The following REV3L variants were observed in gnomAD, a reference collection of about 807,000 sequenced individuals.
The protein encoded by REV3L is REV3 like, DNA directed polymerase zeta catalytic subunit, also known as DNA polymerase zeta catalytic subunit.
REV3L carries 69 observed loss-of-function variants against 299.4 expected under a neutral mutation model. The observed-to-expected ratio is 0.23, with a 90% CI of 0.19 to 0.28. REV3L has a LOEUF of 0.28. Ranked by LOEUF, REV3L falls within the 10% of genes least tolerant of loss-of-function variation. The pLI, the probability that REV3L is intolerant of heterozygous loss-of-function variation, is 1.00. For synonymous variants in REV3L, 1,238 were observed against 1,271.4 expected (o/e 0.97, Z 0.56); for missense variants, 3,128 against 3,693.8 (o/e 0.85, Z 3.97).
At position 111,422,677 on chromosome 6, in the gene REV3L, T is replaced by C. The variant is rs1195684703; in HGVS notation, c.140-6205A>G. 1.3e-4 allele frequency among the ~76,000 whole-genome samples: 5 copies of C among 37,306 alleles called. 1 individual carries two copies. Among genetic ancestry groups the C allele is most frequent in the East Asian group, 5.3e-4 (1 of 1,904 alleles). 24.5% of individuals were successfully genotyped at this position (37,306 alleles called of 152,430 possible). On this transcript the variant is annotated intron_variant, in intron 1 of 31. Transcript: ENST00000368802. ...ATATATATATACATATATATATATATACGTATATATATATATATATATATT... is the reference window on the plus strand; with the variant it reads ...ATATATATATACATATATATATATACACGTATATATATATATATATATATT...
intron 31 of REV3L, among the ~76,000 whole-genome samples, chr6:111,304,605 C>T (rs980468369): frequency 4.0e-5 from 6 of 149,912 alleles, no homozygotes; most frequent in African/African-American, 1.2e-4. Flanking sequence ...TAAATAGCAT[C>T]GCTTTTTCTT....
intron 26 of REV3L, among the ~76,000 whole-genome samples, chr6:111,317,656 G>A (rs1028116103): frequency 6.6e-6 from 1 of 152,030 alleles, no homozygotes; most frequent in Admixed American, 6.6e-5. Context: ...TGTTATATAG[G>A]TTTTTTCCAA....
intron 1 of REV3L, among the ~76,000 whole-genome samples, chr6:111,478,223 T>C (rs1307628012): frequency 2.6e-5 from 4 of 152,232 alleles, no homozygotes; most frequent in African/African-American, 9.7e-5. Flanking sequence ...TGTCTCCCAA[T>C]GAATCCTTGC....
At chr6:111,430,363 A>C in intron 1 of REV3L, 3 of 1,239,312 alleles carry the variant, frequency 2.4e-6, no homozygotes, top group Non-Finnish European at 3.6e-6. Flanking sequence ...AATGGATTTT[A>C]AATGAAAGAA....
chr6:111,369,027 T>C (rs1779509333), intron 13 of REV3L, among the ~76,000 whole-genome samples: 1 of 152,128 alleles, frequency 6.6e-6, no homozygotes, highest in South Asian at 2.1e-4. Flanking sequence ...GCACTGTCCC[T>C]GCATCCACTC....
chr6:111,373,319 C>G lies in REV3L; in HGVS notation c.5036G>C (p.Ser1679Thr). The G allele has an allele frequency of 6.2e-7, 1 of 1,613,976 alleles. No individual in the cohort carries two copies. Among genetic ancestry groups the G allele is most frequent in the African/African-American group, 1.3e-5 (1 of 75,012 alleles). ...ADQNLPQKFL[S>T]DAVQDLFPGQ... ...TGGAAAAAGATCCTGAACAGCATCACTTAGGAACTTCTGAGGCAAATTCTG... is the reference window on the plus strand; with the variant it reads ...TGGAAAAAGATCCTGAACAGCATCAGTTAGGAACTTCTGAGGCAAATTCTG... Residue 1679 changes from serine (S) to threonine (T), a missense_variant, in exon 13 of 32, where the codon AGT (serine) becomes ACT (threonine). Coordinates refer to ENST00000368802, the MANE Select transcript of REV3L (RefSeq NM_001372078.1).
rs534585297 is a variant in REV3L, at chr6:111,367,880, G to A, written c.5908C>T (p.Arg1970Cys). 8.1e-6 allele frequency: 13 copies of A among 1,614,094 alleles called. No homozygotes were observed. The South Asian group carries it at 1.2e-4, about 15-fold the overall frequency. Residue 1970 changes from arginine (R) to cysteine (C), a missense_variant, in exon 14 of 32, where the codon CGC (arginine) becomes TGC (cysteine). Physicochemically the swap from Arg to Cys is radical, Grantham distance 180. Transcript: ENST00000368802. ...TQNPRPGSPL[R>C]SGQGVVNKGS... ...TTATTGACAACTCCTTGGCCACTGC[G>A]AAGGGGTGACCCTGGCCTTGGATTC...
At chr6:111,459,675 T>C (rs1790534256) in intron 1 of REV3L, among the ~76,000 whole-genome samples, 2 of 152,014 alleles carry the variant, frequency 1.3e-5, no homozygotes, top group South Asian at 4.2e-4. Context: ...AAAATGCTCA[T>C]CACTAATCAT....
rs1236301794 is a variant in REV3L, at chr6:111,329,574, G to A, written c.8199C>T (p.Gly2733=). ...GLKLIANVTF[G]YTSANFSGRM... Reference sequence around the variant, plus strand: ...TCCCAGAAAAATTAGCAGATGTATAGCCAAATGTGACATTTGCTATCAGCT... The same window carrying A: ...TCCCAGAAAAATTAGCAGATGTATAACCAAATGTGACATTTGCTATCAGCT... Residue 2733 remains glycine (G), a synonymous_variant, in exon 25 of 32, where the codon GGC becomes GGT. Coordinates refer to ENST00000368802, the MANE Select transcript of REV3L (RefSeq NM_001372078.1). 1.2e-6 allele frequency: 2 copies of A among 1,614,022 alleles called. No individual in the cohort carries two copies. The highest frequency in any genetic ancestry group is 3.3e-5 in the Admixed American group (2 of 60,000).
intron 25 of REV3L, among the ~76,000 whole-genome samples, chr6:111,324,866 C>CTTTTT (rs11346378): frequency 6.9e-6 from 1 of 144,002 alleles, no homozygotes; most frequent in Non-Finnish European, 1.5e-5. Flanking sequence ...GCTCAAAAGT[C>CTTTTT]TTTTTTTTTT....
At chr6:111,456,207 G>C (rs1790140059) in intron 1 of REV3L, among the ~76,000 whole-genome samples, 1 of 152,166 alleles carries the variant, frequency 6.6e-6, no homozygotes, top group Non-Finnish European at 1.5e-5. Context: ...TAATTTTAGA[G>C]TCGGTCTTCC....
At chr6:111,361,387 CAAAACAAAAA>C (rs1778641153) in intron 16 of REV3L, 1 of 26,572 alleles carries the variant, frequency 3.8e-5, no homozygotes, top group African/African-American at 1.5e-4. Context: ...ATGTCTCAAA[CAAAACAAAAA>C]AAAACAAAAA....
In REV3L at chr6:111,374,083, G is replaced by A. The variant is rs750350178; in HGVS notation, c.4272C>T (p.Asp1424=). Residue 1424 remains aspartate, a synonymous_variant, in exon 13 of 32, where the codon GAC becomes GAT. Coordinates refer to ENST00000368802, the MANE Select transcript of REV3L (RefSeq NM_001372078.1). ...AYTPNFLHCK[D]SQQQIVCIAE... is the part of the protein sequence containing the mutation. ...CTATGCACACAATCTGCTGCTGACT[G>A]TCTTTGCAATGCAAAAAATTAGGGG... is the stretch of plus-strand genomic sequence containing the variant. 5.0e-6 allele frequency: 8 copies of A among 1,614,118 alleles called. No individual in the cohort carries two copies. Among genetic ancestry groups the A allele is most frequent in the Non-Finnish European group, 6.8e-6 (8 of 1,179,980 alleles).
At chr6:111,322,189 AAC>A (rs1450533297) in intron 26 of REV3L, among the ~76,000 whole-genome samples, 2 of 152,216 alleles carry the variant, frequency 1.3e-5, no homozygotes, top group African/African-American at 4.8e-5. Flanking sequence ...GTCCTTCAAA[AAC>A]AGTTTATTTT....
chr6:111,389,451 TAA>T (rs1355198554), intron 6 of REV3L, among the ~76,000 whole-genome samples: 1 of 152,170 alleles, frequency 6.6e-6, no homozygotes, highest in East Asian at 1.9e-4. Flanking sequence ...TCAATAGACC[TAA>T]GAGTCCCTTT....
At chr6:111,417,784 A>G (rs1784925847) in intron 1 of REV3L, among the ~76,000 whole-genome samples, 1 of 152,238 alleles carries the variant, frequency 6.6e-6, no homozygotes, top group South Asian at 2.1e-4. Flanking sequence ...CATAAAGCAG[A>G]GCAAATTTAG....
intron 31 of REV3L, among the ~76,000 whole-genome samples, chr6:111,304,222 T>G (rs1052248955): frequency 6.7e-6 from 1 of 149,518 alleles, no homozygotes; most frequent in Non-Finnish European, 1.5e-5. Flanking sequence ...TCATTACATC[T>G]CTAGTAATTT....
chr6:111,376,600 A>T lies in REV3L; in HGVS notation c.1755T>A (p.Leu585=). 1 of 1,613,418 alleles carries T rather than the reference A, an allele frequency of 6.2e-7. No homozygotes were observed. The highest frequency in any genetic ancestry group is 8.5e-7 in the Non-Finnish European group (1 of 1,179,866). The change falls in exon 13 of 32, where the codon CTT becomes CTA. Residue 585 remains leucine (L), a synonymous_variant. Transcript: ENST00000368802. Reference sequence around the variant, plus strand: ...CTTCCTTGTTCAAAACATGGGAAGAAAGGGCACTTGTGTGTTTACACTGAA... The same window carrying T: ...CTTCCTTGTTCAAAACATGGGAAGATAGGGCACTTGTGTGTTTACACTGAA... ...ITFQCKHTSA[L]SSHVLNKEDL...
At position 111,381,417 on chromosome 6, in the gene REV3L, G is replaced by C; in HGVS notation, c.1124C>G (p.Ala375Gly). 6.2e-7 allele frequency: 1 copy of C among 1,612,992 alleles called. No individual in the cohort carries two copies. Among genetic ancestry groups the C allele is most frequent in the Non-Finnish European group, 8.5e-7 (1 of 1,179,596 alleles). The change falls in exon 10 of 32, where the codon GCT becomes GGT. Residue 375 changes from alanine (A) to glycine (G), a missense_variant. This residue lies in a region of REV3L where 2,409 missense variants were observed against 2,611.8 expected (regional missense o/e 0.92). Transcript: ENST00000368802. Reference sequence around the variant, plus strand: ...CAAAATTGCTTCTTCATTAATAAGAGCTTCTTCCACTTTGTGTCTAGTGTG... The same window carrying C: ...CAAAATTGCTTCTTCATTAATAAGACCTTCTTCCACTTTGTGTCTAGTGTG... ...KGHTRHKVEE[A>G]LINEEAILNL...
Sources: gnomAD v4.1 joint callset for allele counts (sites outside exome capture counted in the v4.1 genomes callset) on GRCh38, gnomAD v4.1.1 for gene constraint, gnomAD v4.1.1 regional missense constraint, MANE v1.5 for transcripts, NCBI Gene and HGNC (gene_info 2026-07-23, HGNC 2026-07-21) for gene names.